MTUS2: variants seen among roughly 807,000 people sequenced by gnomAD.
The protein encoded by MTUS2 is microtubule-associated tumor suppressor candidate 2.
Under a neutral mutation model 114.1 loss-of-function variants are expected in MTUS2, and 40 were observed. The observed-to-expected ratio is 0.35, with a 90% CI of 0.27 to 0.46. MTUS2 has a LOEUF of 0.46. Ranked by LOEUF, MTUS2 falls within the 20% of genes least tolerant of loss-of-function variation. The pLI, the probability that MTUS2 is intolerant of heterozygous loss-of-function variation, is 1.00. For missense variants in MTUS2, 1,679 were observed against 1,705.4 expected (o/e 0.98, Z 0.27); for synonymous variants, 688 against 672.0 (o/e 1.02, Z -0.37).
chr13:29,450,852 C>T (rs1047895386), intron 9 of MTUS2, among the ~76,000 whole-genome samples: 6 of 152,102 alleles, frequency 3.9e-5, no homozygotes, highest in African/African-American at 1.4e-4. Flanking sequence ...TGAAGTTGGC[C>T]ATTACATAAT....
intron 8 of MTUS2, among the ~76,000 whole-genome samples, chr13:29,426,350 C>G (rs968093172): frequency 6.6e-6 from 1 of 152,206 alleles, no homozygotes; most frequent in Non-Finnish European, 1.5e-5. Flanking sequence ...AGGGATTTAT[C>G]CTGCTTTAGC....
At chr13:28,940,827 T>C (rs954908449) in intron 2 of MTUS2, among the ~76,000 whole-genome samples, 5 of 151,922 alleles carry the variant, frequency 3.3e-5, no homozygotes, top group African/African-American at 4.8e-5. Flanking sequence ...AAAAGATCTG[T>C]GGTAAGTGTA....
At chr13:29,490,386 G>A (rs1374863622) in intron 11 of MTUS2, among the ~76,000 whole-genome samples, 1 of 152,128 alleles carries the variant, frequency 6.6e-6, no homozygotes, top group Non-Finnish European at 1.5e-5. Context: ...TATGATGCAG[G>A]CCGATTAATG....
rs544790737 is a variant in MTUS2, at chr13:28,938,378, TC to T, written c.-242-86078del. On this transcript the variant is annotated intron_variant, in intron 2 of 15. Transcript: ENST00000612955. ...CCTGGTGACAGAGTGAGACTCTGTC[TC>T]AAAAAAAAAAAAAATAGTCTTTTTG... 8.0e-3 allele frequency among the ~76,000 whole-genome samples: 1,116 copies of T among 139,516 alleles called. 15 individuals are homozygous for T. Among genetic ancestry groups the T allele is most frequent in the African/African-American group, 0.027 (1,038 of 37,874 alleles). 91.5% of individuals were successfully genotyped at this position (139,516 alleles called of 152,430 possible). A position where few individuals can be genotyped will look rare whatever the true frequency, so the allele number is the denominator to read the frequency against.
chr13:29,423,945 A>G (rs1593428351), intron 8 of MTUS2, among the ~76,000 whole-genome samples: 1 of 151,762 alleles, frequency 6.6e-6, no homozygotes, highest in African/African-American at 2.4e-5. Context: ...GCTCACGGCA[A>G]CCTCGGCCTC....
At chr13:29,459,282 A>G (rs1338487670) in intron 9 of MTUS2, among the ~76,000 whole-genome samples, 2 of 152,204 alleles carry the variant, frequency 1.3e-5, no homozygotes, top group African/African-American at 4.8e-5. Context: ...AGTTATTGAC[A>G]TGCCACAATT....
intron 2 of MTUS2, among the ~76,000 whole-genome samples, chr13:28,881,176 T>C (rs1878266608): frequency 1.3e-5 from 2 of 152,204 alleles, no homozygotes; most frequent in Non-Finnish European, 2.9e-5. Context: ...CATTGTTATG[T>C]CCATGTGTAC....
At chr13:29,361,851 TA>T (rs1458485111) in intron 8 of MTUS2, among the ~76,000 whole-genome samples, 8 of 152,198 alleles carry the variant, frequency 5.3e-5, no homozygotes, top group Non-Finnish European at 1.0e-4. Context: ...TTCCATCCTG[TA>T]AGGAATGCAC....
chr13:29,180,747 AGTTG>A (rs757115608), intron 5 of MTUS2, among the ~76,000 whole-genome samples: 1 of 152,150 alleles, frequency 6.6e-6, no homozygotes. Context: ...AGGGAGTCAG[AGTTG>A]GTTGCATGCT....
chr13:29,022,546 G>A (rs1488742176), intron 2 of MTUS2, among the ~76,000 whole-genome samples: 1 of 152,220 alleles, frequency 6.6e-6, no homozygotes, highest in South Asian at 2.1e-4. Context: ...GGGAAAACAA[G>A]TGGGTGGCCA....
rs1886510240 is a variant in MTUS2 at position 29,025,815 on chromosome 13, G to T, written c.1117G>T (p.Val373Leu). ...GAACAGTGACCTCCACCACCTTGGG[G>T]TGGGAAGAGGCAACTGTGAAGAGAA... ...LLNSDLHHLG[V>L]GRGNCEEKRG... The change falls in exon 3 of 16, where the codon GTG becomes TTG. Residue 373 changes from valine (V) to leucine (L), a missense_variant. Val to Leu is a conservative substitution (Grantham distance 32). Coordinates refer to ENST00000612955, the MANE Select transcript of MTUS2 (RefSeq NM_001033602.4). The T allele has an allele frequency of 6.2e-7, 1 of 1,613,834 alleles. No homozygotes were observed.
chr13:29,111,240 T>G (rs1890871297), intron 5 of MTUS2, among the ~76,000 whole-genome samples: 1 of 152,242 alleles, frequency 6.6e-6, no homozygotes, highest in South Asian at 2.1e-4. Context: ...ATGCTTTCCC[T>G]CTGGGCCAGA....
chr13:29,391,643 G>GTT lies in MTUS2; in HGVS notation c.3117+32180_3117+32181dup, dbSNP rs35184621. 3.6e-3 allele frequency among the ~76,000 whole-genome samples: 542 copies of GTT among 148,792 alleles called. 3 individuals are homozygous for GTT. Among genetic ancestry groups the GTT allele is most frequent in the African/African-American group, 0.01 (416 of 40,542 alleles). ...TGGTCTTTGTTTGCTTTTTTAAAAT[G>GTT]TTTTTTTTTTTCAGTTTTAATTGTG... is the stretch of plus-strand genomic sequence containing the variant. On this transcript the variant is annotated intron_variant, in intron 8 of 15. Transcript: ENST00000612955.
intron 2 of MTUS2, among the ~76,000 whole-genome samples, chr13:29,015,333 T>C (rs965002414): frequency 1.3e-5 from 2 of 152,162 alleles, no homozygotes; most frequent in Non-Finnish European, 2.9e-5. Context: ...ATCATTCTAA[T>C]TAGGAAGAGT....
At chr13:29,440,718 G>T (rs1877774087) in intron 9 of MTUS2, among the ~76,000 whole-genome samples, 1 of 151,828 alleles carries the variant, frequency 6.6e-6, no homozygotes, top group Admixed American at 6.6e-5. Context: ...CACATGGTCT[G>T]TTCCTATTGC....
intron 8 of MTUS2, among the ~76,000 whole-genome samples, chr13:29,389,203 A>G (rs1872844885): frequency 1.6e-5 from 2 of 127,730 alleles, no homozygotes; most frequent in Non-Finnish European, 3.6e-5. Flanking sequence ...ATATAGATAT[A>G]TATTTTTTCA....
chr13:29,403,642 G>C (rs530439427), intron 8 of MTUS2, among the ~76,000 whole-genome samples: 1 of 152,208 alleles, frequency 6.6e-6, no homozygotes, highest in African/African-American at 2.4e-5. Context: ...CTGACTGCCT[G>C]TGAAGTGGGA....
At chr13:29,487,773 C>T (rs1445550219) in intron 10 of MTUS2, 127 bp from the exon 11 acceptor site, 3 of 762,398 alleles carry the variant, frequency 3.9e-6, no homozygotes, top group East Asian at 2.5e-5. Flanking sequence ...GTCCAGCTCT[C>T]CTGCTTCGGC....
At chr13:29,051,787 A>G (rs326515) in intron 4 of MTUS2, among the ~76,000 whole-genome samples, 55,169 of 152,096 alleles carry the variant, frequency 0.36, 10,167 homozygotes, top group Admixed American at 0.4. Context: ...AAGTGGAGTC[A>G]TGGAGACCAA....
Sources: allele counts gnomAD v4.1 joint callset (sites outside exome capture counted in the v4.1 genomes callset), GRCh38; gene constraint gnomAD v4.1.1; transcripts MANE v1.5; gene names NCBI Gene and HGNC (gene_info 2026-07-23, HGNC 2026-07-21).